EDEM3: variants seen among roughly 807,000 people sequenced by gnomAD.
EDEM3 encodes ER degradation enhancing alpha-mannosidase like protein 3, also known as ER degradation-enhancing alpha-mannosidase-like protein 3.
In EDEM3, 60 loss-of-function variants were observed where a neutral mutation model predicts 110.2. The ratio of observed to expected loss-of-function variants is 0.54; its 90% CI spans 0.44 to 0.67. The LOEUF is 0.67. Ranked by LOEUF, EDEM3 falls within the 30% of genes least tolerant of loss-of-function variation. EDEM3 has a pLI of 0.00. For synonymous variants in EDEM3, 352 were observed against 382.9 expected (o/e 0.92, Z 0.94); for missense variants, 996 against 1,121.0 (o/e 0.89, Z 1.59).
At chr1:184,706,314 T>C (rs1032889942) in intron 18 of EDEM3, among the ~76,000 whole-genome samples, 20 of 152,196 alleles carry the variant, frequency 1.3e-4, no homozygotes, top group Non-Finnish European at 1.8e-4. Flanking sequence ...TGGCACAGTG[T>C]AATTCTTGCC....
At chr1:184,710,608 C>T in intron 15 of EDEM3, 61 bp from the exon 16 acceptor site, 1 of 1,501,952 alleles carries the variant, frequency 6.7e-7, no homozygotes, top group Admixed American at 2.2e-5. Context: ...GCAAAAAACA[C>T]ATGTCAAATA....
rs1211336287 is a variant in EDEM3 at position 184,691,892 on chromosome 1, A to G, written c.*2171T>C. On this transcript the variant is annotated 3_prime_UTR_variant, in exon 20 of 20. Coordinates refer to ENST00000318130, the MANE Select transcript of EDEM3 (RefSeq NM_025191.4). ...AACAATTTGCTTCTAAGCGTCAATG[A>G]AAGGCAACACCTCCCTCTAATGGCC... 1 of 152,096 alleles carries G rather than the reference A, an allele frequency of 6.6e-6. No individual in the cohort carries two copies. Among genetic ancestry groups the G allele is most frequent in the African/African-American group, 2.4e-5 (1 of 41,450 alleles). The allele number at this position is 152,096 out of a possible 1,614,324, so 9.4% of individuals were successfully genotyped here.
chr1:184,746,292 G>C (rs954185517), intron 2 of EDEM3, among the ~76,000 whole-genome samples: 1 of 152,206 alleles, frequency 6.6e-6, no homozygotes, highest in African/African-American at 2.4e-5. Flanking sequence ...TACATTAATA[G>C]AAAGTAAGTT....
intron 2 of EDEM3, among the ~76,000 whole-genome samples, chr1:184,747,912 C>T (rs922954281): frequency 2.0e-5 from 3 of 152,176 alleles, no homozygotes; most frequent in Non-Finnish European, 4.4e-5. Flanking sequence ...AGAGATGATC[C>T]TATTCATTGT....
Position 184,693,850 on chromosome 1 carries a change from G to A in EDEM3, c.*213C>T, listed in dbSNP as rs1363674909. The A allele has an allele frequency of 8.3e-5, 43 of 517,618 alleles. No homozygotes were observed. Among genetic ancestry groups the A allele is most frequent in the Non-Finnish European group, 1.4e-4 (41 of 295,424 alleles). 32.1% of individuals were successfully genotyped at this position (517,618 alleles called of 1,614,324 possible). Reference sequence around the variant, plus strand: ...GTGCTGCATTTGAAGGGGGAACTGTGGATTTCCATTTTTGATGGGACAGTT... The same window carrying A: ...GTGCTGCATTTGAAGGGGGAACTGTAGATTTCCATTTTTGATGGGACAGTT... On this transcript the variant is annotated 3_prime_UTR_variant, in exon 20 of 20. Coordinates refer to ENST00000318130, the MANE Select transcript of EDEM3 (RefSeq NM_025191.4).
intron 18 of EDEM3, 35 bp downstream of exon 18, chr1:184,706,608 C>G (rs1649942172): frequency 1.3e-6 from 2 of 1,503,556 alleles, no homozygotes; most frequent in Non-Finnish European, 1.8e-6. Context: ...ATTATCTCCC[C>G]TTCAGTCAAC....
At chr1:184,754,414 C>T in intron 1 of EDEM3, 75 bp downstream of exon 1, 1 of 1,595,026 alleles carries the variant, frequency 6.3e-7, no homozygotes, top group Non-Finnish European at 8.5e-7. Context: ...ACTACGCGAC[C>T]GGGTCGCAAT....
chr1:184,749,057 A>G (rs780050438), intron 2 of EDEM3, among the ~76,000 whole-genome samples: 2 of 152,198 alleles, frequency 1.3e-5, no homozygotes, highest in Non-Finnish European at 2.9e-5. Context: ...AGTGAGCCCT[A>G]AAACATTTTT....
intron 2 of EDEM3, among the ~76,000 whole-genome samples, chr1:184,745,560 G>A (rs991369081): frequency 2.0e-5 from 3 of 152,068 alleles, no homozygotes; most frequent in African/African-American, 7.2e-5. Context: ...TTCATATTAT[G>A]TATATTTTAC....
At chr1:184,745,607 G>A (rs897936210) in intron 2 of EDEM3, among the ~76,000 whole-genome samples, 3 of 151,982 alleles carry the variant, frequency 2.0e-5, no homozygotes, top group African/African-American at 7.3e-5. Context: ...GGGGGGTAGG[G>A]GAGAGGCACT....
At chr1:184,715,130 T>C (rs1558051523) in intron 13 of EDEM3, among the ~76,000 whole-genome samples, 1 of 152,102 alleles carries the variant, frequency 6.6e-6, no homozygotes, top group African/African-American at 2.4e-5. Context: ...TACAGACAGT[T>C]ATGGTGCTGT....
At chr1:184,702,015 T>G (rs1649655344) in intron 19 of EDEM3, among the ~76,000 whole-genome samples, 1 of 152,044 alleles carries the variant, frequency 6.6e-6, no homozygotes, top group Admixed American at 6.6e-5. Flanking sequence ...CTTCATCTAT[T>G]TAAGGGTATG....
At chr1:184,734,073 ACT>A in intron 5 of EDEM3, among the ~76,000 whole-genome samples, 1 of 152,342 alleles carries the variant, frequency 6.6e-6, no homozygotes, top group South Asian at 2.1e-4. Context: ...AATGCCACAG[ACT>A]CTGTGTTTCA....
In EDEM3 at chr1:184,720,509, C is replaced by CTTTTTTTTTTTTTTTTTTTTTTTTTTT. The variant is rs34268021; in HGVS notation, c.951+779_951+780insAAAAAAAAAAAAAAAAAAAAAAAAAAA. The stretch of plus-strand genomic sequence containing the variant: ...AATTTAAACCAGTACATCTCCCATA[C>CTTTTTTTTTTTTTTTTTTTTTTTTTTT]TTTTTTTTTTTTTTTTTTGAGACGG... On this transcript the variant is annotated intron_variant, in intron 9 of 19. Coordinates refer to ENST00000318130, the MANE Select transcript of EDEM3 (RefSeq NM_025191.4). 8.6e-5 allele frequency: 11 copies of CTTTTTTTTTTTTTTTTTTTTTTTTTTT among 127,446 alleles called. 2 individuals carry two copies. Among genetic ancestry groups the CTTTTTTTTTTTTTTTTTTTTTTTTTTT allele is most frequent in the African/African-American group, 3.5e-4 (11 of 31,674 alleles). The allele number at this position is 127,446 out of a possible 1,614,324, so 7.9% of individuals were successfully genotyped here. A position where few individuals can be genotyped will look rare whatever the true frequency, so the allele number is the denominator to read the frequency against.
rs879207195 is a variant in EDEM3, at chr1:184,692,282, T to A, written c.*1781A>T. ...CTATCTTGTTACACCAAATCTCACA[T>A]GCAGAGAGACTAAAAATATCCATTT... On this transcript the variant is annotated 3_prime_UTR_variant, in exon 20 of 20. Transcript: ENST00000318130. The A allele has an allele frequency of 6.6e-6, 1 of 152,140 alleles. No homozygotes were observed. Among genetic ancestry groups the A allele is most frequent in the Admixed American group, 6.6e-5 (1 of 15,258 alleles). 9.4% of individuals were successfully genotyped at this position (152,140 alleles called of 1,614,324 possible). A position where few individuals can be genotyped will look rare whatever the true frequency, so the allele number is the denominator to read the frequency against.
At position 184,699,179 on chromosome 1, in the gene EDEM3, C is replaced by CCATTCATT. The variant is rs543459373; in HGVS notation, c.2389+3624_2389+3631dup. Reference sequence around the variant, plus strand: ...GACTTAGAGATTGGATGTTTTAGAACCATTCATTCATTCATTCATTCATTC... The same window carrying CCATTCATT: ...GACTTAGAGATTGGATGTTTTAGAACCATTCATTCATTCATTCATTCATTCATTCATTC... On this transcript the variant is annotated intron_variant, in intron 19 of 19. Transcript: ENST00000318130. 6.6e-5 allele frequency among the ~76,000 whole-genome samples: 10 copies of CCATTCATT among 151,678 alleles called. No homozygotes were observed. The South Asian group carries it at 1.2e-3, about 19-fold the overall frequency.
chr1:184,738,332 T>A (rs1318928137), intron 2 of EDEM3, among the ~76,000 whole-genome samples: 1 of 152,176 alleles, frequency 6.6e-6, no homozygotes, highest in Non-Finnish European at 1.5e-5. Flanking sequence ...TAAGCCTAGA[T>A]CACACATCTA....
chr1:184,736,992 G>A (rs951163847), intron 4 of EDEM3, 33 bp downstream of exon 4: 5 of 1,566,022 alleles, frequency 3.2e-6, no homozygotes, highest in Non-Finnish European at 4.4e-6. Context: ...TGCATATCAT[G>A]AATAAAATAA....
intron 8 of EDEM3, among the ~76,000 whole-genome samples, chr1:184,722,299 T>G (rs192761555): frequency 2.6e-5 from 4 of 152,108 alleles, no homozygotes; most frequent in Admixed American, 6.5e-5. Context: ...TTTAAATGAG[T>G]CTTTTTAGTG....
Sources: allele counts gnomAD v4.1 joint callset (sites outside exome capture counted in the v4.1 genomes callset), GRCh38; gene constraint gnomAD v4.1.1; transcripts MANE v1.5; gene names NCBI Gene and HGNC (gene_info 2026-07-23, HGNC 2026-07-21).